ZNF618: variants seen among roughly 807,000 people sequenced by gnomAD.
The protein encoded by ZNF618 is neural precursor cell expressed, developmentally down-regulated 10.
ZNF618 carries 34 observed loss-of-function variants against 103.0 expected under a neutral mutation model. The ratio of observed to expected loss-of-function variants is 0.33; its 90% CI spans 0.25 to 0.44. The LOEUF is 0.44. Ranked by LOEUF, ZNF618 falls within the 20% of genes least tolerant of loss-of-function variation. The pLI is 1.00. For synonymous variants in ZNF618, 551 were observed against 542.2 expected (o/e 1.02, Z -0.23); for missense variants, 1,059 against 1,295.4 (o/e 0.82, Z 2.80).
chr9:114,029,104 C>G, intron 11 of ZNF618, 132 bp downstream of exon 11: 1 of 1,315,032 alleles, frequency 7.6e-7, no homozygotes, highest in East Asian at 2.5e-5. Context: ...TGGGACAAAT[C>G]TGAGTCCCAG....
chr9:114,013,113 G>A (rs1169797819), intron 9 of ZNF618, among the ~76,000 whole-genome samples: 1 of 152,174 alleles, frequency 6.6e-6, no homozygotes, highest in African/African-American at 2.4e-5. Flanking sequence ...ATGGATAAGT[G>A]TTGAAGGGAA....
chr9:113,891,784 G>C (rs1217928456), intron 1 of ZNF618, among the ~76,000 whole-genome samples: 2 of 152,144 alleles, frequency 1.3e-5, no homozygotes, highest in African/African-American at 4.8e-5. Context: ...AGAATATTCT[G>C]TTATTAACAC....
chr9:114,051,256 T>C lies in ZNF618; in HGVS notation c.*1089T>C, dbSNP rs1846114997. The C allele has an allele frequency of 6.6e-6, 1 of 152,632 alleles. No homozygotes were observed. The highest frequency in any genetic ancestry group is 1.5e-5 in the Non-Finnish European group (1 of 68,052). The allele number at this position is 152,632 out of a possible 1,614,324, so 9.5% of individuals were successfully genotyped here. ...GGTGTACTCAGTATCCTACAGTCTT[T>C]CTTGGCCTTCCCTGTACAGTTCAGT... On this transcript the variant is annotated 3_prime_UTR_variant, in exon 15 of 15. Coordinates refer to ENST00000374126, the MANE Select transcript of ZNF618 (RefSeq NM_001318042.2).
intron 1 of ZNF618, among the ~76,000 whole-genome samples, chr9:113,924,398 G>GTCTTCT (rs139348803): frequency 7.9e-5 from 11 of 139,922 alleles, no homozygotes; most frequent in Admixed American, 6.3e-4. Context: ...AGTAATTTGT[G>GTCTTCT]TCTTCTTCTT....
intron 5 of ZNF618, 48 bp from the exon 6 acceptor site, chr9:114,002,576 C>G (rs1841343071): frequency 6.3e-7 from 1 of 1,595,650 alleles, no homozygotes; most frequent in East Asian, 2.2e-5. Flanking sequence ...CTGGCCCTGT[C>G]ATTGGCCCGG....
chr9:113,929,159 A>T (rs1833356934), intron 1 of ZNF618, among the ~76,000 whole-genome samples: 1 of 152,218 alleles, frequency 6.6e-6, no homozygotes, highest in Non-Finnish European at 1.5e-5. Context: ...AAGCTCCTGG[A>T]GTTAAAATCT....
At chr9:113,922,750 A>G in intron 1 of ZNF618, among the ~76,000 whole-genome samples, 1 of 152,066 alleles carries the variant, frequency 6.6e-6, no homozygotes, top group South Asian at 2.1e-4. Context: ...CTCCAACTTT[A>G]TTGTTGTTCT....
chr9:114,022,747 C>G (rs1843183692), intron 10 of ZNF618, among the ~76,000 whole-genome samples: 1 of 151,852 alleles, frequency 6.6e-6, no homozygotes, highest in Non-Finnish European at 1.5e-5. Context: ...TCAAAATTCT[C>G]AACTCTAATG....
At chr9:114,028,655 G>T in intron 10 of ZNF618, 78 bp from the exon 11 acceptor site, 1 of 1,488,722 alleles carries the variant, frequency 6.7e-7, no homozygotes, top group Non-Finnish European at 8.9e-7. Context: ...ACCCTGGAAT[G>T]TGGGGCTGGT....
At chr9:113,906,009 A>C (rs909556221) in intron 1 of ZNF618, among the ~76,000 whole-genome samples, 3 of 152,036 alleles carry the variant, frequency 2.0e-5, no homozygotes, top group Non-Finnish European at 4.4e-5. Flanking sequence ...TCATTGTTTG[A>C]TATATTTCGA....
chr9:114,042,617 C>T (rs1177633472), intron 13 of ZNF618, among the ~76,000 whole-genome samples: 1 of 152,150 alleles, frequency 6.6e-6, no homozygotes, highest in Non-Finnish European at 1.5e-5. Flanking sequence ...TTGTTTGAGG[C>T]CAGGAGTTTG....
intron 1 of ZNF618, among the ~76,000 whole-genome samples, chr9:113,888,238 A>G (rs1308120276): frequency 6.6e-6 from 1 of 152,158 alleles, no homozygotes; most frequent in East Asian, 1.9e-4. Context: ...CAGGATGTGG[A>G]GTCGATGGAT....
intron 1 of ZNF618, among the ~76,000 whole-genome samples, chr9:113,921,228 C>T (rs540132757): frequency 2.0e-5 from 3 of 152,328 alleles, no homozygotes; most frequent in African/African-American, 7.2e-5. Context: ...CAAATTATCT[C>T]GCCTTTCTGG....
At chr9:113,971,900 G>A (rs1042350259) in intron 2 of ZNF618, among the ~76,000 whole-genome samples, 26 of 152,250 alleles carry the variant, frequency 1.7e-4, no homozygotes, top group African/African-American at 5.8e-4. Context: ...CTACCATGGC[G>A]CCGGAATATG....
chr9:114,036,687 C>T (rs774836566), intron 13 of ZNF618, among the ~76,000 whole-genome samples: 1 of 152,118 alleles, frequency 6.6e-6, no homozygotes, highest in African/African-American at 2.4e-5. Context: ...TAGGAGCTAG[C>T]CTGGAAGCGA....
chr9:113,931,862 A>G (rs180698286), intron 1 of ZNF618, among the ~76,000 whole-genome samples: 130 of 152,310 alleles, frequency 8.5e-4, no homozygotes, highest in African/African-American at 2.9e-3. Context: ...AAGATTTAAC[A>G]TTGCATATGT....
intron 1 of ZNF618, among the ~76,000 whole-genome samples, chr9:113,964,972 A>AT (rs758210380): frequency 0.014 from 1,760 of 126,258 alleles, 26 homozygotes; most frequent in East Asian, 0.041. Context: ...GAGAGATAGG[A>AT]TTTTTTTTTT....
At chr9:113,959,994 T>C (rs1836695396) in intron 1 of ZNF618, among the ~76,000 whole-genome samples, 2 of 152,262 alleles carry the variant, frequency 1.3e-5, no homozygotes, top group African/African-American at 4.8e-5. Context: ...GGCCCAGGTC[T>C]GTGCATGAAG....
chr9:113,959,666 G>A (rs551383818), intron 1 of ZNF618, among the ~76,000 whole-genome samples: 1 of 152,296 alleles, frequency 6.6e-6, no homozygotes, highest in South Asian at 2.1e-4. Flanking sequence ...GGAGTGCAGT[G>A]ACACGATCTC....
Sources: allele counts gnomAD v4.1 joint callset (sites outside exome capture counted in the v4.1 genomes callset), GRCh38; gene constraint gnomAD v4.1.1; transcripts MANE v1.5; gene names NCBI Gene and HGNC (gene_info 2026-07-23, HGNC 2026-07-21).